DIPK1A: variants seen among roughly 807,000 people sequenced by gnomAD.
The protein encoded by DIPK1A is family with sequence similarity 69 member A.
A neutral mutation model predicts 40.8 loss-of-function variants in DIPK1A; 27 were observed. The observed-to-expected ratio is 0.66, with a 90% CI of 0.49 to 0.91. The LOEUF (loss-of-function observed/expected upper bound fraction) is 0.91, where lower values mean the gene tolerates loss of function less well. Among genes scored for constraint, DIPK1A ranks in the 40% least tolerant of loss-of-function variants. DIPK1A has a pLI of 0.00. For synonymous variants in DIPK1A, 166 were observed against 171.3 expected (o/e 0.97, Z 0.24); for missense variants, 412 against 505.7 (o/e 0.81, Z 1.78).
chr1:92,836,441 G>C, intron 4 of DIPK1A: 1 of 1,528,324 alleles, frequency 6.5e-7, no homozygotes, highest in Non-Finnish European at 9.1e-7. Flanking sequence ...GTACTTCCCT[G>C]TTTTTAACTA....
At chr1:92,873,606 C>T (rs1202020694) in intron 2 of DIPK1A, among the ~76,000 whole-genome samples, 1 of 147,624 alleles carries the variant, frequency 6.8e-6, no homozygotes, top group Non-Finnish European at 1.5e-5. Context: ...CAGAGCAAAA[C>T]TCTGTCTCAA....
At chr1:92,924,255 T>G (rs1650390798) in intron 1 of DIPK1A, among the ~76,000 whole-genome samples, 1 of 152,198 alleles carries the variant, frequency 6.6e-6, no homozygotes, top group Admixed American at 6.5e-5. Flanking sequence ...CCTCAGGATA[T>G]TCTACTATAT....
intron 1 of DIPK1A, among the ~76,000 whole-genome samples, chr1:92,946,318 TA>T (rs1557496389): frequency 6.6e-6 from 1 of 152,026 alleles, no homozygotes; most frequent in East Asian, 1.9e-4. Flanking sequence ...CTTGGTTGTA[TA>T]AAAGGAAAAA....
chr1:92,856,867 GCA>G (rs1319345491), intron 2 of DIPK1A, among the ~76,000 whole-genome samples: 1 of 152,186 alleles, frequency 6.6e-6, no homozygotes, highest in Non-Finnish European at 1.5e-5. Flanking sequence ...CCATCCAGAT[GCA>G]GTTTGTGAGA....
In DIPK1A at chr1:92,843,633, C is replaced by G; in HGVS notation, c.1037G>C (p.Ser346Thr). Residue 346 changes from serine (S) to threonine (T), a missense_variant, in exon 5 of 5, where the codon AGC (serine) becomes ACC (threonine). Coordinates refer to ENST00000370310, the MANE Select transcript of DIPK1A (RefSeq NM_001006605.5). ...DCVYGTDCRT[S>T]CDQSTMKCTS... The stretch of plus-strand genomic sequence containing the variant: ...ACACTTCATTGTACTCTGATCACAG[C>G]TAGTTCTACAATCTGTGCCATAGAC... 6.4e-7 allele frequency: 1 copy of G among 1,551,738 alleles called. No individual in the cohort carries two copies. Among genetic ancestry groups the G allele is most frequent in the Non-Finnish European group, 8.7e-7 (1 of 1,146,944 alleles).
At chr1:92,872,523 C>A (rs1406437830) in intron 2 of DIPK1A, among the ~76,000 whole-genome samples, 1 of 152,138 alleles carries the variant, frequency 6.6e-6, no homozygotes, top group Non-Finnish European at 1.5e-5. Context: ...ATATCTGGAT[C>A]ATCTGGAGAT....
Position 92,876,433 on chromosome 1 carries a change from G to C in DIPK1A, c.55-3C>G. On this transcript the variant is annotated splice_polypyrimidine_tract_variant and splice_region_variant and intron_variant, in intron 1 of 4. Coordinates refer to ENST00000370310, the MANE Select transcript of DIPK1A (RefSeq NM_001006605.5). ...ATCCGCACATATGAGAAGCGAGCCT[G>C]TGAGTAAAAAAGAACATAACGATCA... The C allele has an allele frequency of 6.2e-7, 1 of 1,610,864 alleles. No individual in the cohort carries two copies. The highest frequency in any genetic ancestry group is 8.5e-7 in the Non-Finnish European group (1 of 1,178,962).
intron 1 of DIPK1A, among the ~76,000 whole-genome samples, chr1:92,926,778 C>T (rs570170227): frequency 7.9e-5 from 12 of 152,254 alleles, no homozygotes; most frequent in African/African-American, 2.9e-4. Context: ...GGTAGTACTC[C>T]TTGAAGTCCA....
At chr1:92,928,449 A>G (rs1334296805) in intron 1 of DIPK1A, among the ~76,000 whole-genome samples, 1 of 152,198 alleles carries the variant, frequency 6.6e-6, no homozygotes, top group East Asian at 1.9e-4. Context: ...TTTCAAATTT[A>G]TTCACTGATT....
chr1:92,833,187 T>C (rs1686979146), intron 4 of DIPK1A: 3 of 649,184 alleles, frequency 4.6e-6, no homozygotes, highest in South Asian at 1.8e-5. Context: ...TTTTATTGTT[T>C]TATGAAACTA....
chr1:92,935,719 C>T (rs1183596150), intron 1 of DIPK1A, among the ~76,000 whole-genome samples: 3 of 151,588 alleles, frequency 2.0e-5, no homozygotes, highest in Non-Finnish European at 4.4e-5. Flanking sequence ...TATATTATAA[C>T]GTGTTCAAGT....
At position 92,911,375 on chromosome 1, in the gene DIPK1A, A is replaced by T. The variant is rs556877889; in HGVS notation, c.55-34945T>A. ...TTCACCAGACATTGAATCTGCAGGT[A>T]CCTTGTTCTTGAACTTCCCAGCCTC... On this transcript the variant is annotated intron_variant, in intron 1 of 4. Coordinates refer to ENST00000370310, the MANE Select transcript of DIPK1A (RefSeq NM_001006605.5). 2.6e-5 allele frequency among the ~76,000 whole-genome samples: 4 copies of T among 152,316 alleles called. No homozygotes were observed. In the South Asian group the frequency reaches 8.3e-4, roughly 32 times the overall value.
At chr1:92,836,427 C>G (rs770667894) in intron 4 of DIPK1A, 1 of 1,579,986 alleles carries the variant, frequency 6.3e-7, no homozygotes, top group African/African-American at 1.3e-5. Flanking sequence ...GTGCCTGGAC[C>G]GTGGTACTTC....
chr1:92,848,182 T>G (rs1465128119), intron 3 of DIPK1A, among the ~76,000 whole-genome samples: 1 of 152,220 alleles, frequency 6.6e-6, no homozygotes, highest in South Asian at 2.1e-4. Context: ...ACCACTAGGA[T>G]AGGTTGCCCC....
chr1:92,858,553 T>C (rs567169032), intron 2 of DIPK1A, among the ~76,000 whole-genome samples: 1 of 152,340 alleles, frequency 6.6e-6, no homozygotes, highest in South Asian at 2.1e-4. Context: ...TTAAAGTGCA[T>C]ACTTTTCTAT....
At chr1:92,852,873 C>T (rs1432430342) in intron 2 of DIPK1A, among the ~76,000 whole-genome samples, 1 of 152,082 alleles carries the variant, frequency 6.6e-6, no homozygotes. Flanking sequence ...GACCCCATCT[C>T]TACAAATAAT....
intron 1 of DIPK1A, among the ~76,000 whole-genome samples, chr1:92,951,580 T>C (rs1651635661): frequency 6.6e-6 from 1 of 152,170 alleles, no homozygotes; most frequent in Admixed American, 6.5e-5. Flanking sequence ...TGGGCGTTGT[T>C]TTAAGCCACT....
At chr1:92,905,379 C>T (rs976476728) in intron 1 of DIPK1A, among the ~76,000 whole-genome samples, 6 of 152,042 alleles carry the variant, frequency 3.9e-5, no homozygotes, top group Admixed American at 1.3e-4. Context: ...CTCTGATGAT[C>T]AGCAATGTTA....
intron 2 of DIPK1A, among the ~76,000 whole-genome samples, chr1:92,857,475 T>C (rs964179194): frequency 2.0e-5 from 3 of 151,994 alleles, no homozygotes; most frequent in African/African-American, 7.2e-5. Flanking sequence ...GAACCTGCCA[T>C]CACGCCCAGC....
Sources: allele counts gnomAD v4.1 joint callset (sites outside exome capture counted in the v4.1 genomes callset), GRCh38; gene constraint gnomAD v4.1.1; transcripts MANE v1.5; gene names NCBI Gene and HGNC (gene_info 2026-07-23, HGNC 2026-07-21).